Variants in KIAA0319 observed in about 807,000 individuals in gnomAD.
KIAA0319 encodes the protein dyslexia-associated protein KIAA0319.
In KIAA0319, 83 loss-of-function variants were observed where a neutral mutation model predicts 108.4. That is an observed-to-expected ratio of 0.77 (90% CI 0.64 to 0.92). The LOEUF (loss-of-function observed/expected upper bound fraction) is 0.92. Ranked by LOEUF, KIAA0319 falls within the 40% of genes least tolerant of loss-of-function variation. The probability of loss-of-function intolerance (pLI) is 0.00; values close to 1 mark genes in which losing one functional copy is unlikely to be tolerated. For synonymous variants in KIAA0319, 484 were observed against 510.4 expected (o/e 0.95, Z 0.70); for missense variants, 1,195 against 1,322.4 (o/e 0.90, Z 1.49).
chr6:24,582,162 G>T lies in KIAA0319; in HGVS notation c.1191+87C>A, dbSNP rs892992032. 2.0e-5 allele frequency: 16 copies of T among 784,872 alleles called. No homozygotes were observed. In the African/African-American group the frequency reaches 2.8e-4, roughly 14 times the overall value. The allele number at this position is 784,872 out of a possible 1,614,324, so 48.6% of individuals were successfully genotyped here. Reference sequence around the variant, plus strand: ...CTCTGTCCCCAAAAAGAAGAAAGACGTTTGGGTTCAGTAGCTAAGAAGGTA... The same window carrying T: ...CTCTGTCCCCAAAAAGAAGAAAGACTTTTGGGTTCAGTAGCTAAGAAGGTA... On this transcript the variant is annotated intron_variant, in intron 6 of 20. Transcript: ENST00000378214.
chr6:24,586,152 G>A (rs1229752015), intron 4 of KIAA0319, among the ~76,000 whole-genome samples: 1 of 152,192 alleles, frequency 6.6e-6, no homozygotes, highest in Non-Finnish European at 1.5e-5. Context: ...AGGACCTCCT[G>A]AGGCTGTGTC....
At chr6:24,587,309 C>T (rs1304257661) in intron 4 of KIAA0319, among the ~76,000 whole-genome samples, 4 of 151,910 alleles carry the variant, frequency 2.6e-5, no homozygotes, top group Admixed American at 2.6e-4. Flanking sequence ...CGGAATCTCA[C>T]TCTGTCGCCC....
chr6:24,586,064 G>A (rs1767438273), intron 4 of KIAA0319, among the ~76,000 whole-genome samples: 1 of 152,116 alleles, frequency 6.6e-6, no homozygotes, highest in Non-Finnish European at 1.5e-5. Flanking sequence ...ACTCCAGCCT[G>A]GCCACGAAGC....
intron 12 of KIAA0319, 39 bp downstream of exon 12, chr6:24,569,864 G>A (rs1483037984): frequency 6.2e-7 from 1 of 1,602,702 alleles, no homozygotes; most frequent in Admixed American, 1.7e-5. Context: ...TTAGCATTCA[G>A]CATGGGCATG....
intron 13 of KIAA0319, 147 bp from the exon 14 acceptor site, chr6:24,566,895 A>G (rs1763973096): frequency 3.2e-6 from 2 of 634,588 alleles, no homozygotes; most frequent in Non-Finnish European, 5.1e-6. Flanking sequence ...TTTTTTCCCC[A>G]GATGCATATA....
intron 6 of KIAA0319, among the ~76,000 whole-genome samples, chr6:24,581,994 A>G: frequency 6.6e-6 from 1 of 152,128 alleles, no homozygotes; most frequent in East Asian, 1.9e-4. Context: ...AAATACAAAA[A>G]AATTAGCCGG....
intron 1 of KIAA0319, among the ~76,000 whole-genome samples, chr6:24,622,377 T>A (rs1774096005): frequency 7.1e-6 from 1 of 140,958 alleles, no homozygotes; most frequent in African/African-American, 2.6e-5. Context: ...AAATAGAAGA[T>A]TAAAGGAACA....
chr6:24,621,216 G>T (rs1773884170), intron 1 of KIAA0319, among the ~76,000 whole-genome samples: 1 of 152,178 alleles, frequency 6.6e-6, no homozygotes, highest in African/African-American at 2.4e-5. Flanking sequence ...AAGACAAAAA[G>T]GTATTTCAGG....
At chr6:24,593,215 G>A (rs1248844053) in intron 3 of KIAA0319, among the ~76,000 whole-genome samples, 1 of 151,856 alleles carries the variant, frequency 6.6e-6, no homozygotes, top group Non-Finnish European at 1.5e-5. Context: ...GCCTCTGTTT[G>A]CACACTCATT....
At chr6:24,548,689 A>C (rs1310264494) in intron 20 of KIAA0319, among the ~76,000 whole-genome samples, 1 of 152,234 alleles carries the variant, frequency 6.6e-6, no homozygotes, top group Non-Finnish European at 1.5e-5. Flanking sequence ...ATTTAGAAAA[A>C]AACTGGTTTG....
At chr6:24,624,017 CTTTTTTT>C (rs536970883) in intron 1 of KIAA0319, among the ~76,000 whole-genome samples, 3 of 50,540 alleles carry the variant, frequency 5.9e-5, no homozygotes, top group South Asian at 7.7e-4. Context: ...TCTTTGTTTT[CTTTTTTT>C]TTTTTTTTTT....
At chr6:24,621,185 A>G (rs1773877198) in intron 1 of KIAA0319, among the ~76,000 whole-genome samples, 1 of 152,194 alleles carries the variant, frequency 6.6e-6, no homozygotes, top group African/African-American at 2.4e-5. Flanking sequence ...GGACGTTAGC[A>G]TTTTCATCTG....
At chr6:24,597,649 C>T (rs899749079) in intron 2 of KIAA0319, among the ~76,000 whole-genome samples, 6 of 152,104 alleles carry the variant, frequency 3.9e-5, no homozygotes, top group Admixed American at 2.0e-4. Context: ...GGGAACCTGT[C>T]GCCTATGTTT....
chr6:24,623,610 G>A (rs1774271466), intron 1 of KIAA0319, among the ~76,000 whole-genome samples: 1 of 152,142 alleles, frequency 6.6e-6, no homozygotes, highest in African/African-American at 2.4e-5. Flanking sequence ...GGCATTAGTG[G>A]AACAACGAGG....
Position 24,596,454 on chromosome 6 carries a change from C to T in KIAA0319, c.220G>A (p.Glu74Lys), listed in dbSNP as rs999666511. 2.7e-5 allele frequency: 43 copies of T among 1,614,068 alleles called. No homozygotes were observed. The highest frequency in any genetic ancestry group is 6.7e-5 in the African/African-American group (5 of 74,924). The change falls in exon 3 of 21, where the codon GAG becomes AAG. Residue 74 changes from glutamate to lysine, a missense_variant. Coordinates refer to ENST00000378214, the MANE Select transcript of KIAA0319 (RefSeq NM_014809.4). Reference protein sequence around the residue: ...LSSCDLAWWFEGRCYLVSCPH... With the variant: ...LSSCDLAWWFKGRCYLVSCPH... ...CAGCTCACCAGGTAGCAGCGGCCCT[C>T]GAACCACCAGGCCAGGTCACAGCTG...
Position 24,579,932 on chromosome 6 carries a change from G to A in KIAA0319, c.1298C>T (p.Pro433Leu). The A allele has an allele frequency of 1.3e-6, 2 of 1,595,298 alleles. No homozygotes were observed. Among genetic ancestry groups the A allele is most frequent in the Non-Finnish European group, 1.7e-6 (2 of 1,170,232 alleles). Residue 433 changes from proline (P) to leucine (L), a missense_variant, in exon 8 of 21, where the codon CCA becomes CTA. Physicochemically the swap from Pro to Leu is moderately conservative, Grantham distance 98. Coordinates refer to ENST00000378214, the MANE Select transcript of KIAA0319 (RefSeq NM_014809.4). Reference protein sequence around the residue: ...TVKPARRVNLPPVAVVSPQLQ... With the variant: ...TVKPARRVNLLPVAVVSPQLQ... ...TTGGGGAGAAACAACTGCTACAGGT[G>A]GCAGGTTGACTCTTCTGGCTGTAAC...
At chr6:24,566,424 G>A (rs1005282602) in intron 14 of KIAA0319, among the ~76,000 whole-genome samples, 173 bp downstream of exon 14, 2 of 152,194 alleles carry the variant, frequency 1.3e-5, no homozygotes, top group East Asian at 1.9e-4. Context: ...CCAGCAACTT[G>A]AGCCTGTCTT....
intron 9 of KIAA0319, among the ~76,000 whole-genome samples, chr6:24,577,081 T>C: frequency 6.6e-6 from 1 of 152,202 alleles, no homozygotes; most frequent in Non-Finnish European, 1.5e-5. Flanking sequence ...ACAGACTTGA[T>C]ATTTTTGTTT....
At chr6:24,601,264 C>T in intron 1 of KIAA0319, 56 bp from the exon 2 acceptor site, 4 of 1,448,686 alleles carry the variant, frequency 2.8e-6, no homozygotes, top group Non-Finnish European at 3.6e-6. Context: ...AATGTAGAAA[C>T]ATCCAAAATT....
Sources: gnomAD v4.1 joint callset for allele counts (sites outside exome capture counted in the v4.1 genomes callset) on GRCh38, gnomAD v4.1.1 for gene constraint, MANE v1.5 for transcripts, NCBI Gene and HGNC (gene_info 2026-07-23, HGNC 2026-07-21) for gene names.